Variants in LRRTM4 observed in about 807,000 individuals in gnomAD.
LRRTM4 encodes leucine-rich repeat transmembrane neuronal protein 4.
Under a neutral mutation model 47.6 loss-of-function variants are expected in LRRTM4, and 25 were observed. That is an observed-to-expected ratio of 0.53 (90% CI 0.38 to 0.73). LRRTM4 has a LOEUF of 0.73. Among genes scored for constraint, LRRTM4 ranks in the 30% least tolerant of loss-of-function variants. The probability of loss-of-function intolerance (pLI) is 0.00; values close to 1 mark genes in which losing one functional copy is unlikely to be tolerated. For synonymous variants in LRRTM4, 311 were observed against 269.5 expected (o/e 1.15, Z -1.51); for missense variants, 638 against 713.4 (o/e 0.89, Z 1.20).
intron 3 of LRRTM4, among the ~76,000 whole-genome samples, chr2:76,840,613 G>T (rs1172969658): frequency 6.6e-6 from 1 of 152,104 alleles, no homozygotes; most frequent in East Asian, 1.9e-4. Flanking sequence ...AGAAAAAAAG[G>T]AGAAACCAAC....
intron 3 of LRRTM4, among the ~76,000 whole-genome samples, chr2:77,140,678 G>A (rs1672095602): frequency 6.6e-6 from 1 of 152,178 alleles, no homozygotes; most frequent in South Asian, 2.1e-4. Flanking sequence ...TACCATCACA[G>A]TGAACAGGCA....
chr2:77,316,366 A>G (rs1677617918), intron 3 of LRRTM4, among the ~76,000 whole-genome samples: 1 of 152,212 alleles, frequency 6.6e-6, no homozygotes, highest in South Asian at 2.1e-4. Flanking sequence ...TAATAAACAC[A>G]TTAAAAATGT....
At chr2:77,165,792 T>A (rs1005535722) in intron 3 of LRRTM4, among the ~76,000 whole-genome samples, 2 of 152,196 alleles carry the variant, frequency 1.3e-5, no homozygotes, top group African/African-American at 4.8e-5. Flanking sequence ...ATAAATTAGG[T>A]ATTGATGGGA....
At chr2:77,022,688 T>C (rs1373926340) in intron 3 of LRRTM4, among the ~76,000 whole-genome samples, 1 of 152,230 alleles carries the variant, frequency 6.6e-6, no homozygotes, top group South Asian at 2.1e-4. Context: ...AATGATCTCC[T>C]TTGACTGCAG....
At chr2:77,102,540 C>T (rs758962419) in intron 3 of LRRTM4, among the ~76,000 whole-genome samples, 4 of 152,282 alleles carry the variant, frequency 2.6e-5, no homozygotes, top group East Asian at 3.9e-4. Context: ...AATATTCCCA[C>T]GTATTTAAAT....
At chr2:77,299,847 ATT>A (rs145008759) in intron 3 of LRRTM4, among the ~76,000 whole-genome samples, 284 of 114,180 alleles carry the variant, frequency 2.5e-3, no homozygotes, top group South Asian at 7.5e-3. Flanking sequence ...TAAGGTAATG[ATT>A]TTTTTTTTTT....
chr2:76,915,261 A>C (rs1022659076), intron 3 of LRRTM4, among the ~76,000 whole-genome samples: 1 of 152,158 alleles, frequency 6.6e-6, no homozygotes, highest in Admixed American at 6.5e-5. Context: ...TATGTATCAC[A>C]AAAATCATTC....
At chr2:76,967,706 T>G (rs1199219232) in intron 3 of LRRTM4, among the ~76,000 whole-genome samples, 1 of 151,768 alleles carries the variant, frequency 6.6e-6, no homozygotes, top group Non-Finnish European at 1.5e-5. Context: ...TCTTCAGCTA[T>G]GTACATAGTT....
At chr2:77,247,522 A>G (rs776319145) in intron 3 of LRRTM4, among the ~76,000 whole-genome samples, 2 of 152,114 alleles carry the variant, frequency 1.3e-5, no homozygotes, top group Non-Finnish European at 2.9e-5. Context: ...CCTTGCACTC[A>G]GAACAGAACT....
At chr2:77,206,262 T>A (rs2103910937) in intron 3 of LRRTM4, among the ~76,000 whole-genome samples, 1 of 151,246 alleles carries the variant, frequency 6.6e-6, no homozygotes, top group East Asian at 2.0e-4. Context: ...CCCTGTAACC[T>A]CTGCGTCCTG....
At chr2:77,035,456 A>G (rs1290462786) in intron 3 of LRRTM4, among the ~76,000 whole-genome samples, 1 of 151,728 alleles carries the variant, frequency 6.6e-6, no homozygotes, top group Non-Finnish European at 1.5e-5. Context: ...TACTTTTCTC[A>G]CATTCCCCAC....
chr2:77,361,379 T>G (rs1672203528), intron 3 of LRRTM4, among the ~76,000 whole-genome samples: 1 of 152,178 alleles, frequency 6.6e-6, no homozygotes, highest in Admixed American at 6.5e-5. Flanking sequence ...CTACCCCTTT[T>G]TAAAACTTTT....
chr2:76,896,932 G>T (rs10520169), intron 3 of LRRTM4, among the ~76,000 whole-genome samples: 14,286 of 150,936 alleles, frequency 0.095, 1,106 homozygotes, highest in East Asian at 0.41. Context: ...TGTGAGTTAT[G>T]AATGTTTGAA....
intron 3 of LRRTM4, among the ~76,000 whole-genome samples, chr2:77,410,101 A>C (rs394528): frequency 6.6e-6 from 1 of 152,004 alleles, no homozygotes; most frequent in Non-Finnish European, 1.5e-5. Flanking sequence ...ATCTATATCC[A>C]TATCTACATT....
intron 3 of LRRTM4, among the ~76,000 whole-genome samples, chr2:77,063,205 A>G (rs989859822): frequency 4.6e-5 from 7 of 151,750 alleles, no homozygotes; most frequent in Admixed American, 2.0e-4. Flanking sequence ...TGATCCGCCC[A>G]CCTCGGCCTC....
chr2:77,077,224 A>C (rs80204311), intron 3 of LRRTM4, among the ~76,000 whole-genome samples: 8,698 of 152,240 alleles, frequency 0.057, 532 homozygotes, highest in East Asian at 0.15. Context: ...TTATCACTTA[A>C]AACAGAAGTA....
intron 3 of LRRTM4, among the ~76,000 whole-genome samples, chr2:76,976,096 G>A (rs1188016406): frequency 6.6e-6 from 1 of 151,618 alleles, no homozygotes; most frequent in Non-Finnish European, 1.5e-5. Flanking sequence ...CATTTTATGG[G>A]TTTTAAACCT....
intron 3 of LRRTM4, among the ~76,000 whole-genome samples, chr2:77,389,982 G>A (rs923839079): frequency 3.3e-5 from 5 of 152,030 alleles, no homozygotes; most frequent in Non-Finnish European, 7.4e-5. Context: ...TCCCTGTCCT[G>A]GGTCCATGAC....
rs561760024 is a variant in LRRTM4 at position 77,507,084 on chromosome 2, CTT to C, written c.1551+11232_1551+11233del. Among the ~76,000 whole-genome samples the C allele has an allele frequency of 1.1e-4, 16 of 151,948 alleles. No homozygotes were observed. The South Asian group carries it at 3.3e-3, about 32-fold the overall frequency. On this transcript the variant is annotated intron_variant, in intron 3 of 3. Coordinates refer to ENST00000409884, the MANE Select transcript of LRRTM4 (RefSeq NM_001134745.3). ...TTATTTTGATTATTTTTATAAATAA[CTT>C]TATGTTTTCAATATTTTCTTAAAAA...
Sources: allele counts gnomAD v4.1 joint callset (sites outside exome capture counted in the v4.1 genomes callset), GRCh38; gene constraint gnomAD v4.1.1; transcripts MANE v1.5; gene names NCBI Gene and HGNC (gene_info 2026-07-23, HGNC 2026-07-21).